TTC28: variants seen among roughly 807,000 people sequenced by gnomAD.
The protein encoded by TTC28 is tetratricopeptide repeat domain 28.
Under a neutral mutation model 198.0 loss-of-function variants are expected in TTC28, and 61 were observed. The observed-to-expected ratio is 0.31, with a 90% CI of 0.25 to 0.38. The LOEUF is 0.38. Ranked by LOEUF, TTC28 falls within the 10% of genes least tolerant of loss-of-function variation. The probability of loss-of-function intolerance (pLI) is 1.00; values close to 1 mark genes in which losing one functional copy is unlikely to be tolerated. For synonymous variants in TTC28, 1,171 were observed against 1,297.8 expected (o/e 0.90, Z 2.10); for missense variants, 2,678 against 3,164.0 (o/e 0.85, Z 3.69).
At chr22:28,549,467 C>G (rs1336830793) in intron 2 of TTC28, among the ~76,000 whole-genome samples, 1 of 152,220 alleles carries the variant, frequency 6.6e-6, no homozygotes, top group Non-Finnish European at 1.5e-5. Context: ...ACTCATTCAA[C>G]TAACCTTTAG....
Position 28,107,090 on chromosome 22 carries a change from C to A in TTC28, c.2755G>T (p.Ala919Ser). 6.4e-7 allele frequency: 1 copy of A among 1,551,306 alleles called. No homozygotes were observed. The highest frequency in any genetic ancestry group is 8.7e-7 in the Non-Finnish European group (1 of 1,146,670). ...TGTCCATTTCCCAGGCCCCGGTAAG[C>A]CTTGGCTTGGTCTTGCATGCGATTC... is the stretch of plus-strand genomic sequence containing the variant. ...SLNRMQDQAK[A>S]YRGLGNGHRA... The change falls in exon 7 of 23, where the codon GCT (alanine) becomes TCT (serine). Residue 919 changes from alanine (A) to serine (S), a missense_variant. By Grantham distance (99) the Ala-to-Ser change is moderately conservative. Transcript: ENST00000397906.
intron 1 of TTC28, among the ~76,000 whole-genome samples, chr22:28,634,863 G>A (rs899268750): frequency 2.0e-5 from 3 of 151,594 alleles, no homozygotes; most frequent in Non-Finnish European, 2.9e-5. Flanking sequence ...GGGATTACAG[G>A]CATGAGCTGC....
In TTC28 at chr22:27,983,321, G is replaced by GA; in HGVS notation, c.6345dup (p.Pro2116SerfsTer25). ...TTTTGGAAGGGTGAGTTGGGGCTGG[G>GA]AATCAGAGTCATTTTCACTGGAGAA... On this transcript the variant is annotated frameshift_variant, in exon 23 of 23. Transcript: ENST00000397906. LOFTEE classifies it low-confidence loss of function (END_TRUNC). The GA allele has an allele frequency of 6.4e-7, 1 of 1,552,012 alleles. No individual in the cohort carries two copies. Among genetic ancestry groups the GA allele is most frequent in the African/African-American group, 1.4e-5 (1 of 73,152 alleles).
chr22:28,601,368 T>G (rs1441886660), intron 2 of TTC28, among the ~76,000 whole-genome samples: 1 of 152,146 alleles, frequency 6.6e-6, no homozygotes, highest in Non-Finnish European at 1.5e-5. Context: ...TATCCATGGG[T>G]TCTGCATCTG....
rs919504664 is a variant in TTC28, at chr22:27,983,631, T to G, written c.6036A>C (p.Ser2012=). 36 of 1,543,012 alleles carry G rather than the reference T, an allele frequency of 2.3e-5. No homozygotes were observed. In the Middle Eastern group the frequency reaches 1.2e-3, roughly 50 times the overall value. Residue 2012 remains serine (S), a synonymous_variant, in exon 23 of 23, where the codon TCA becomes TCC. Coordinates refer to ENST00000397906, the MANE Select transcript of TTC28 (RefSeq NM_001145418.2). The part of the protein sequence containing the change: ...MSFVSKPEGG[S]EGGGPGGRQD... ...GCCGTCCTCCGGGGCCTCCACCCTC[T>G]GATCCACCCTCGGGTTTGGAGACAA...
At chr22:28,475,531 C>T (rs1483988969) in intron 2 of TTC28, among the ~76,000 whole-genome samples, 1 of 152,146 alleles carries the variant, frequency 6.6e-6, no homozygotes, top group Non-Finnish European at 1.5e-5. Context: ...AACATTGGAG[C>T]AAACGATGTT....
chr22:28,106,172 T>C (rs1942295724), intron 7 of TTC28, among the ~76,000 whole-genome samples: 1 of 152,236 alleles, frequency 6.6e-6, no homozygotes, highest in African/African-American at 2.4e-5. Context: ...ACAGTGGCTA[T>C]AAATCTTTCA....
intron 5 of TTC28, among the ~76,000 whole-genome samples, chr22:28,178,487 G>C (rs1001042309): frequency 6.6e-6 from 1 of 151,894 alleles, no homozygotes; most frequent in African/African-American, 2.4e-5. Flanking sequence ...ACGGGGGAGG[G>C]GAGGGGGAGG....
intron 7 of TTC28, 119 bp from the exon 8 acceptor site, chr22:28,105,921 C>T: frequency 8.4e-7 from 1 of 1,193,546 alleles, no homozygotes; most frequent in East Asian, 2.6e-5. Flanking sequence ...CTCTTAACTC[C>T]TCTTCTAGCT....
chr22:28,083,251 G>A (rs1203849279), intron 12 of TTC28, among the ~76,000 whole-genome samples: 1 of 152,072 alleles, frequency 6.6e-6, no homozygotes, highest in East Asian at 1.9e-4. Context: ...CCAGAGCTCA[G>A]AGACCCCTGA....
In TTC28 at chr22:28,452,389, CAAAAAAAAAAAAAAAA is replaced by C. The variant is rs71194768; in HGVS notation, c.382-145762_382-145747del. ...TGGGCAACAGAGCGAGATTCCATCT[CAAAAAAAAAAAAAAAA>C]AAAAAAAAAAAAAGAGGCTGTATTT... On this transcript the variant is annotated intron_variant, in intron 2 of 22. Transcript: ENST00000397906. 9.5e-3 allele frequency among the ~76,000 whole-genome samples: 412 copies of C among 43,270 alleles called. 4 individuals are homozygous for C. In the Middle Eastern group the frequency reaches 0.11, roughly 12 times the overall value. The allele number at this position is 43,270 out of a possible 152,430, so 28.4% of individuals were successfully genotyped here.
Position 28,365,747 on chromosome 22 carries a change from C to T in TTC28, c.382-59104G>A, listed in dbSNP as rs576898049. Among the ~76,000 whole-genome samples the T allele has an allele frequency of 2.0e-3, 305 of 152,336 alleles. 1 individual carries two copies. Among genetic ancestry groups the T allele is most frequent in the African/African-American group, 5.9e-3 (244 of 41,580 alleles). On this transcript the variant is annotated intron_variant, in intron 2 of 22. Transcript: ENST00000397906. ...GTCTGTGTATTACTTCTAATCACTT[C>T]TCCTTTTAATTTGAATTTATTAGTC... is the stretch of plus-strand genomic sequence containing the variant.
Position 28,498,555 on chromosome 22 carries a change from A to AAT in TTC28, c.381+130995_381+130996dup, listed in dbSNP as rs1394886857. Among the ~76,000 whole-genome samples the AAT allele has an allele frequency of 3.3e-5, 5 of 152,180 alleles. No homozygotes were observed. In the East Asian group the frequency reaches 9.6e-4, roughly 29 times the overall value. ...GAACCTAAATCCAGGTTTCACTTGA[A>AAT]ATGATACTCAATGTTCACCGAAAGG... On this transcript the variant is annotated intron_variant, in intron 2 of 22. Transcript: ENST00000397906.
At chr22:28,141,966 G>A (rs750460813) in intron 6 of TTC28, among the ~76,000 whole-genome samples, 5 of 152,068 alleles carry the variant, frequency 3.3e-5, no homozygotes, top group Non-Finnish European at 7.4e-5. Context: ...AAATAATTTT[G>A]CATTTAATGT....
intron 5 of TTC28, among the ~76,000 whole-genome samples, chr22:28,255,508 CCT>C (rs1177902503): frequency 6.6e-6 from 1 of 151,958 alleles, no homozygotes; most frequent in Non-Finnish European, 1.5e-5. Flanking sequence ...GTGGTAAAAC[CCT>C]GTCTCTGCTA....
chr22:28,002,931 C>T (rs1304367303), intron 14 of TTC28, among the ~76,000 whole-genome samples: 1 of 152,090 alleles, frequency 6.6e-6, no homozygotes, highest in African/African-American at 2.4e-5. Context: ...TTGTAGTGGG[C>T]CAAGATTATA....
chr22:28,161,727 ACAGG>A (rs1921210478), intron 6 of TTC28, among the ~76,000 whole-genome samples: 1 of 119,728 alleles, frequency 8.4e-6, no homozygotes, highest in Non-Finnish European at 1.9e-5. Context: ...AGGAAAGAGG[ACAGG>A]ACAGGACAGG....
chr22:28,112,532 A>C (rs1218969191), intron 6 of TTC28, among the ~76,000 whole-genome samples: 1 of 152,190 alleles, frequency 6.6e-6, no homozygotes, highest in Admixed American at 6.5e-5. Flanking sequence ...GAAGAGATGG[A>C]TGAGGCCGAA....
At chr22:28,546,006 A>G (rs2145945749) in intron 2 of TTC28, among the ~76,000 whole-genome samples, 1 of 152,366 alleles carries the variant, frequency 6.6e-6, no homozygotes, top group East Asian at 1.9e-4. Flanking sequence ...AATGTAAAGA[A>G]CCTAGGCTAG....
Sources: gnomAD v4.1 joint callset for allele counts (sites outside exome capture counted in the v4.1 genomes callset) on GRCh38, gnomAD v4.1.1 for gene constraint, MANE v1.5 for transcripts, NCBI Gene and HGNC (gene_info 2026-07-23, HGNC 2026-07-21) for gene names.